PPIC: variants seen among roughly 807,000 people sequenced by gnomAD.
PPIC encodes the protein peptidyl-prolyl cis-trans isomerase C.
In PPIC, 19 loss-of-function variants were observed where a neutral mutation model predicts 19.5. That is an observed-to-expected ratio of 0.98 (90% CI 0.68 to 1.43). The LOEUF (loss-of-function observed/expected upper bound fraction) is 1.43. Ranked by LOEUF, PPIC falls within the 40% of genes most tolerant of loss-of-function variation. The probability of loss-of-function intolerance (pLI) is 0.00; values close to 1 mark genes in which losing one functional copy is unlikely to be tolerated. For missense variants in PPIC, 268 were observed against 268.6 expected, an observed-to-expected ratio of 1.00 and a Z score of 0.02; for synonymous variants, 107 against 101.2, an observed-to-expected ratio of 1.06 and a Z score of -0.34.
intron 1 of PPIC, among the ~76,000 whole-genome samples, chr5:123,032,035 G>A (rs1367781299): frequency 6.6e-6 from 1 of 152,216 alleles, no homozygotes; most frequent in African/African-American, 2.4e-5. Flanking sequence ...GACCGTAAGT[G>A]ATCCGCCCAT....
chr5:123,028,196 A>G (rs1176398030), intron 3 of PPIC, among the ~76,000 whole-genome samples: 2 of 152,244 alleles, frequency 1.3e-5, no homozygotes, highest in African/African-American at 4.8e-5. Flanking sequence ...GTAACCCAAC[A>G]TTTTAGAACA....
At chr5:123,024,684 C>T (rs1184767335) in intron 4 of PPIC, among the ~76,000 whole-genome samples, 1 of 152,204 alleles carries the variant, frequency 6.6e-6, no homozygotes, top group African/African-American at 2.4e-5. Context: ...AGGCTACTAG[C>T]TCAGTTCCCA....
At chr5:123,035,885 C>T (rs1421654028) in intron 1 of PPIC, among the ~76,000 whole-genome samples, 1 of 152,118 alleles carries the variant, frequency 6.6e-6, no homozygotes, top group African/African-American at 2.4e-5. Flanking sequence ...CGCCTTCGCC[C>T]GGCCTCGCGT....
chr5:123,028,969 A>G, intron 2 of PPIC, 101 bp from the exon 3 acceptor site: 4 of 1,064,258 alleles, frequency 3.8e-6, no homozygotes, highest in Non-Finnish European at 5.4e-6. Context: ...ATTAAACAAA[A>G]TGCCTACAGA....
chr5:123,023,916 C>T lies in PPIC; in HGVS notation c.598G>A (p.Asp200Asn). 1 of 1,614,018 alleles carries T rather than the reference C, an allele frequency of 6.2e-7. No homozygotes were observed. The highest frequency in any genetic ancestry group is 8.5e-7 in the Non-Finnish European group (1 of 1,180,010). Reference sequence around the variant, plus strand: ...TCAACCACAAAAGGCGTTTTCACGTCTATCTTGCCACTGTTGATGATCGAG... The same window carrying T: ...TCAACCACAAAAGGCGTTTTCACGTTTATCTTGCCACTGTTGATGATCGAG... ...NCSIINSGKIDVKTPFVVEIA... is the reference protein window; with the variant it reads ...NCSIINSGKINVKTPFVVEIA... Residue 200 changes from aspartate to asparagine, a missense_variant, in exon 5 of 5, where the codon GAC becomes AAC. By Grantham distance (23) the Asp-to-Asn change is conservative. Coordinates refer to ENST00000306442, the MANE Select transcript of PPIC (RefSeq NM_000943.5).
At chr5:123,029,144 C>A in intron 2 of PPIC, 161 bp downstream of exon 2, 1 of 1,356,256 alleles carries the variant, frequency 7.4e-7, no homozygotes, top group Non-Finnish European at 1.0e-6. Flanking sequence ...AGCCTAAGGG[C>A]ACTGAGTGCC....
chr5:123,028,606 G>A (rs1762896991), intron 3 of PPIC, 169 bp downstream of exon 3: 1 of 524,344 alleles, frequency 1.9e-6, no homozygotes. Context: ...CCTCATACCT[G>A]TCGAGATGCT....
chr5:123,029,388 C>CT lies in PPIC; in HGVS notation c.147dup (p.Asp50ArgfsTer34), dbSNP rs780674629. On this transcript the variant is annotated frameshift_variant, in exon 2 of 5. Coordinates refer to ENST00000306442, the MANE Select transcript of PPIC (RefSeq NM_000943.5). LOFTEE classifies it high-confidence loss of function. ...AGGCCAATCACAATTCTGCCAACATCTTTGTCTCCAATCCTCACATCAAAG... is the reference window on the plus strand; with the variant it reads ...AGGCCAATCACAATTCTGCCAACATCTTTTGTCTCCAATCCTCACATCAAAG... 17 of 1,585,568 alleles carry CT rather than the reference C, an allele frequency of 1.1e-5. No individual in the cohort carries two copies. Among genetic ancestry groups the CT allele is most frequent in the Non-Finnish European group, 1.4e-5 (16 of 1,157,056 alleles).
At chr5:123,027,852 T>A (rs4516847) in intron 3 of PPIC, among the ~76,000 whole-genome samples, 47,496 of 152,040 alleles carry the variant, frequency 0.31, 8,611 homozygotes, top group East Asian at 0.83. Flanking sequence ...ATGGTGTATG[T>A]TCAAGAAAAG....
At chr5:123,025,075 G>A (rs1481090143) in intron 4 of PPIC, among the ~76,000 whole-genome samples, 1 of 152,156 alleles carries the variant, frequency 6.6e-6, no homozygotes, top group Non-Finnish European at 1.5e-5. Context: ...ATGTGACCTA[G>A]GTGTCTGAGC....
Position 123,025,807 on chromosome 5 carries a change from ACAC to A in PPIC, c.484_486del (p.Val162del), listed in dbSNP as rs1762842804. 6.2e-7 allele frequency: 1 copy of A among 1,613,180 alleles called. No homozygotes were observed. Among genetic ancestry groups the A allele is most frequent in the African/African-American group, 1.3e-5 (1 of 74,900 alleles). On this transcript the variant is annotated inframe_deletion, in exon 4 of 5. Coordinates refer to ENST00000306442, the MANE Select transcript of PPIC (RefSeq NM_000943.5). ...ACCATCCCATCAATGACTTTTCCAA[ACAC>A]CACATGTTTGCCGTCCAACCAGGTG...
chr5:123,025,681 A>T, intron 4 of PPIC, 103 bp downstream of exon 4: 1 of 1,223,340 alleles, frequency 8.2e-7, no homozygotes, highest in Non-Finnish European at 1.2e-6. Flanking sequence ...AGTCAGCTAT[A>T]TAATGGATCT....
At chr5:123,029,894 A>T (rs920976913) in intron 1 of PPIC, among the ~76,000 whole-genome samples, 7 of 152,252 alleles carry the variant, frequency 4.6e-5, no homozygotes, top group Admixed American at 2.0e-4. Context: ...TTATTTTTTT[A>T]AATTTCAAAC....
intron 2 of PPIC, 140 bp from the exon 3 acceptor site, chr5:123,029,008 T>G (rs1762904428): frequency 1.2e-6 from 1 of 862,664 alleles, no homozygotes; most frequent in South Asian, 1.8e-5. Context: ...TATGGTTTAC[T>G]GAGAGAAATT....
chr5:123,024,450 G>A (rs1194724001), intron 4 of PPIC, among the ~76,000 whole-genome samples: 1 of 152,140 alleles, frequency 6.6e-6, no homozygotes, highest in South Asian at 2.1e-4. Context: ...TTCAGAAATG[G>A]ACCTAGTTCT....
Position 123,023,376 on chromosome 5 carries a change from A to G in PPIC, c.*499T>C, listed in dbSNP as rs1450391259. On this transcript the variant is annotated 3_prime_UTR_variant, in exon 5 of 5. Coordinates refer to ENST00000306442, the MANE Select transcript of PPIC (RefSeq NM_000943.5). ...CTTTACATTTTTAAAAAGTCTTGCA[A>G]AAAGAGTTGATCTAAAAGTATTTAA... The G allele has an allele frequency of 6.6e-6, 1 of 152,254 alleles. No individual in the cohort carries two copies. The highest frequency in any genetic ancestry group is 2.4e-5 in the African/African-American group (1 of 41,454). 9.4% of individuals were successfully genotyped at this position (152,254 alleles called of 1,614,324 possible).
intron 1 of PPIC, among the ~76,000 whole-genome samples, chr5:123,035,016 A>T (rs1407319751): frequency 3.3e-5 from 5 of 152,150 alleles, no homozygotes; most frequent in Non-Finnish European, 7.4e-5. Context: ...TTGCCTCAAT[A>T]CCCGCATGCC....
Position 123,025,860 on chromosome 5 carries a change from T to C in PPIC, c.434A>G (p.Gln145Arg). ...GGGCTTGGTCAAGGTGATAAAGAAC[T>C]GAGAGCCATTGGTGTCAGGCCCAGC... ...ANAGPDTNGS[Q>R]FFITLTKPTW... The change falls in exon 4 of 5, where the codon CAG (glutamine) becomes CGG (arginine). Residue 145 changes from glutamine (Q) to arginine (R), a missense_variant. Gln to Arg is a conservative substitution (Grantham distance 43). Coordinates refer to ENST00000306442, the MANE Select transcript of PPIC (RefSeq NM_000943.5). 1 of 1,614,174 alleles carries C rather than the reference T, an allele frequency of 6.2e-7. No individual in the cohort carries two copies. Among genetic ancestry groups the C allele is most frequent in the Non-Finnish European group, 8.5e-7 (1 of 1,180,036 alleles).
At position 123,023,687 on chromosome 5, in the gene PPIC, G is replaced by A. The variant is rs144971686; in HGVS notation, c.*188C>T. On this transcript the variant is annotated 3_prime_UTR_variant, in exon 5 of 5. Coordinates refer to ENST00000306442, the MANE Select transcript of PPIC (RefSeq NM_000943.5). The stretch of plus-strand genomic sequence containing the variant: ...TAAGTTCAAAGTCCCTAAGCAGGTG[G>A]TTTACTAAAGTTCAAGCAAACTAAA... 2.0e-4 allele frequency: 178 copies of A among 882,252 alleles called. 1 individual carries two copies. In the African/African-American group the frequency reaches 2.8e-3, roughly 14 times the overall value. 54.7% of individuals were successfully genotyped at this position (882,252 alleles called of 1,614,324 possible).
Sources: allele counts gnomAD v4.1 joint callset (sites outside exome capture counted in the v4.1 genomes callset), GRCh38; gene constraint gnomAD v4.1.1; transcripts MANE v1.5; gene names NCBI Gene and HGNC (gene_info 2026-07-23, HGNC 2026-07-21).